HNRNPU: variants seen among roughly 807,000 people sequenced by gnomAD.
The protein encoded by HNRNPU is heterogeneous nuclear ribonucleoprotein U.
Under a neutral mutation model 94.7 loss-of-function variants are expected in HNRNPU, and 5 were observed. That is an observed-to-expected ratio of 0.05 (90% CI 0.03 to 0.11). HNRNPU has a LOEUF of 0.11. Ranked by LOEUF, HNRNPU falls within the 10% of genes least tolerant of loss-of-function variation. HNRNPU has a pLI of 1.00. For synonymous variants in HNRNPU, 434 were observed against 381.6 expected, an observed-to-expected ratio of 1.14 and a Z score of -1.60; for missense variants, 710 against 1,049.2, an observed-to-expected ratio of 0.68 and a Z score of 4.47.
chr1:244,858,683 G>C, intron 6 of HNRNPU, 46 bp downstream of exon 6: 2 of 990,440 alleles, frequency 2.0e-6, no homozygotes, highest in Non-Finnish European at 1.6e-6. Flanking sequence ...CCTAGATATA[G>C]CTACTAACTT....
chr1:244,852,183 C>T lies in HNRNPU; in HGVS notation c.*2267G>A, dbSNP rs1050242867. ...CTCCCTGTTGCTTATTTGGTACATTCCCTTCTCTGAATTCCTTAAACACTT... is the reference window on the plus strand; with the variant it reads ...CTCCCTGTTGCTTATTTGGTACATTTCCTTCTCTGAATTCCTTAAACACTT... On this transcript the variant is annotated 3_prime_UTR_variant, in exon 14 of 14. Coordinates refer to ENST00000640218, the MANE Select transcript of HNRNPU (RefSeq NM_031844.3). The T allele has an allele frequency of 6.6e-6, 1 of 152,178 alleles. No homozygotes were observed. The highest frequency in any genetic ancestry group is 1.9e-4 in the East Asian group (1 of 5,204). The allele number at this position is 152,178 out of a possible 1,614,324, so 9.4% of individuals were successfully genotyped here.
Position 244,853,042 on chromosome 1 carries a change from G to A in HNRNPU, c.*1408C>T, listed in dbSNP as rs1039920378. The A allele has an allele frequency of 1.3e-5, 2 of 152,570 alleles. No individual in the cohort carries two copies. Among genetic ancestry groups the A allele is most frequent in the African/African-American group, 4.8e-5 (2 of 41,428 alleles). The allele number at this position is 152,570 out of a possible 1,614,324, so 9.5% of individuals were successfully genotyped here. ...TGCATGATGGCTTCTAAAAGCATCTGATCCCAGAGTTTCATGTATCATATA... is the reference window on the plus strand; with the variant it reads ...TGCATGATGGCTTCTAAAAGCATCTAATCCCAGAGTTTCATGTATCATATA... On this transcript the variant is annotated 3_prime_UTR_variant, in exon 14 of 14. Transcript: ENST00000640218.
intron 5 of HNRNPU, 183 bp from the exon 6 acceptor site, chr1:244,859,024 G>A: frequency 1.7e-6 from 1 of 587,620 alleles, no homozygotes; most frequent in East Asian, 2.8e-5. Context: ...TATATACGCA[G>A]AGACCAAATT....
At chr1:244,858,617 T>C in intron 6 of HNRNPU, 112 bp downstream of exon 6, 2 of 673,320 alleles carry the variant, frequency 3.0e-6, no homozygotes, top group Admixed American at 2.9e-5. Flanking sequence ...ATCCAGGGAC[T>C]GGTGTATTTT....
chr1:244,862,584 TA>T (rs1558189545), intron 2 of HNRNPU, 34 bp downstream of exon 2: 3 of 1,607,782 alleles, frequency 1.9e-6, no homozygotes, highest in Non-Finnish European at 1.7e-6. Context: ...AACGAACGAA[TA>T]AGGGATGAGT....
rs777008090 is a variant in HNRNPU, at chr1:244,864,325, A to G, written c.-18T>C. The G allele has an allele frequency of 2.0e-5, 32 of 1,609,260 alleles. No homozygotes were observed. The highest frequency in any genetic ancestry group is 1.7e-5 in the Admixed American group (1 of 58,736). On this transcript the variant is annotated 5_prime_UTR_variant, in exon 1 of 14. Coordinates refer to ENST00000640218, the MANE Select transcript of HNRNPU (RefSeq NM_031844.3). ...GAACTCATGGTGAGGGCCCCGATTC[A>G]CCGCTAGGCGCTGCCTCAAACTCGG...
Position 244,855,425 on chromosome 1 carries a change from T to C in HNRNPU, c.2351A>G (p.Gln784Arg). 1 of 1,612,792 alleles carries C rather than the reference T, an allele frequency of 6.2e-7. No homozygotes were observed. Among genetic ancestry groups the C allele is most frequent in the East Asian group, 2.2e-5 (1 of 44,876 alleles). The change falls in exon 12 of 14, where the codon CAG becomes CGG. Residue 784 changes from glutamine (Q) to arginine (R), a missense_variant and splice_region_variant. Gln to Arg is a conservative substitution (Grantham distance 43). This residue lies in a region of HNRNPU where 152 missense variants were observed against 238.9 expected (regional missense o/e 0.64). Transcript: ENST00000640218. ...CTTCCAGGGATCTTGAATCATTACC[T>C]GGTTGTAGTTCCCTCTGTTGGGCAT... ...GGMPNRGNYN[Q>R]NFRGRGNNRG...
chr1:244,863,759 G>C lies in HNRNPU; in HGVS notation c.549C>G (p.Ala183=), dbSNP rs1448270437. The C allele has an allele frequency of 6.3e-7, 1 of 1,587,710 alleles. No homozygotes were observed. Among genetic ancestry groups the C allele is most frequent in the Non-Finnish European group, 8.5e-7 (1 of 1,170,258 alleles). The change falls in exon 1 of 14, where the codon GCC becomes GCG. Residue 183 remains alanine (A), a synonymous_variant. Coordinates refer to ENST00000640218, the MANE Select transcript of HNRNPU (RefSeq NM_031844.3). The part of the protein sequence containing the change: ...PQQQRGAAKE[A]AGKSSGPTSL... The stretch of plus-strand genomic sequence containing the variant: ...AGGTGGGGCCGCTGCTCTTCCCCGC[G>C]GCCTCCTTGGCGGCCCCGCGCTGCT...
At chr1:244,855,783 ATACTT>A (rs1025229034) in intron 11 of HNRNPU, 116 bp downstream of exon 11, 31 of 1,293,520 alleles carry the variant, frequency 2.4e-5, no homozygotes, top group Non-Finnish European at 3.2e-5. Context: ...AATCACATGA[ATACTT>A]TAGTTACTGT....
chr1:244,864,488 A>G lies in HNRNPU; in HGVS notation c.-181T>C, dbSNP rs1278694499. 2.8e-6 allele frequency: 3 copies of G among 1,061,494 alleles called. No individual in the cohort carries two copies. The highest frequency in any genetic ancestry group is 3.9e-6 in the Non-Finnish European group (3 of 765,652). 65.8% of individuals were successfully genotyped at this position (1,061,494 alleles called of 1,614,324 possible). On this transcript the variant is annotated 5_prime_UTR_variant, in exon 1 of 14. Transcript: ENST00000640218. The stretch of plus-strand genomic sequence containing the variant: ...CGAACGGCGCCAATTCCTTTCACCG[A>G]GTTCGCGAGGGAGACGCGGAGACTC...
At chr1:244,860,761 C>T (rs1015429672) in intron 3 of HNRNPU, 1 of 431,706 alleles carries the variant, frequency 2.3e-6, no homozygotes, top group Admixed American at 4.3e-5. Flanking sequence ...TAATACATAC[C>T]TGCTCTGCTC....
At chr1:244,860,971 A>C (rs1469619543) in intron 3 of HNRNPU, 2 of 156,278 alleles carry the variant, frequency 1.3e-5, no homozygotes, top group Non-Finnish European at 2.8e-5. Flanking sequence ...CTTGTGAAGA[A>C]GACAGCCTAA....
rs1048432074 is a variant in HNRNPU at position 244,850,933 on chromosome 1, G to A, written c.*3517C>T. The A allele has an allele frequency of 6.6e-6, 1 of 152,118 alleles. No individual in the cohort carries two copies. The highest frequency in any genetic ancestry group is 2.4e-5 in the African/African-American group (1 of 41,402). The allele number at this position is 152,118 out of a possible 1,614,324, so 9.4% of individuals were successfully genotyped here. On this transcript the variant is annotated 3_prime_UTR_variant, in exon 14 of 14. Transcript: ENST00000640218. ...GAACATCTCAAATGGGTATTCTGAA[G>A]CAGGTTGAGAAGTAGATAAAATTCT...
At chr1:244,856,887 A>G in intron 8 of HNRNPU, 31 bp from the exon 9 acceptor site, 1 of 1,561,196 alleles carries the variant, frequency 6.4e-7, no homozygotes, top group Non-Finnish European at 8.7e-7. Flanking sequence ...TTCCCCTTGA[A>G]CTTGTGAATT....
At chr1:244,855,797 G>A in intron 11 of HNRNPU, 107 bp downstream of exon 11, 2 of 1,353,828 alleles carry the variant, frequency 1.5e-6, no homozygotes, top group East Asian at 2.3e-5. Flanking sequence ...TTTAGTTACT[G>A]TGACAGTATA....
At position 244,857,700 on chromosome 1, in the gene HNRNPU, G is replaced by A. The variant is rs1469827363; in HGVS notation, c.1512C>T (p.Gly504=). The part of the protein sequence containing the change: ...KKDCEVVMMI[G]LPGAGKTTWV... Reference sequence around the variant, plus strand: ...AGGTAGTTTTTCCAGCTCCTGGCAAGCCAATCATCATCACAACCTAGTGAA... The same window carrying A: ...AGGTAGTTTTTCCAGCTCCTGGCAAACCAATCATCATCACAACCTAGTGAA... Residue 504 remains glycine (G), a synonymous_variant, in exon 8 of 14, where the codon GGC becomes GGT. Transcript: ENST00000640218. 1.2e-6 allele frequency: 2 copies of A among 1,613,812 alleles called. No homozygotes were observed. The highest frequency in any genetic ancestry group is 2.7e-5 in the African/African-American group (2 of 74,892).
Position 244,864,352 on chromosome 1 carries a change from T to C in HNRNPU, c.-45A>G, listed in dbSNP as rs1192439537. On this transcript the variant is annotated 5_prime_UTR_variant, in exon 1 of 14. Coordinates refer to ENST00000640218, the MANE Select transcript of HNRNPU (RefSeq NM_031844.3). ...CGCTAGGCGCTGCCTCAAACTCGGC[T>C]CCGCTCACTCGGCCACTGGTGGCGG... is the stretch of plus-strand genomic sequence containing the variant. 1.9e-6 allele frequency: 3 copies of C among 1,594,138 alleles called. No homozygotes were observed. The highest frequency in any genetic ancestry group is 2.6e-6 in the Non-Finnish European group (3 of 1,174,736).
intron 3 of HNRNPU, chr1:244,860,791 AAGCAGTAGAGGAT>A (rs2102988294): frequency 2.8e-6 from 1 of 358,152 alleles, no homozygotes; most frequent in Non-Finnish European, 5.0e-6. Context: ...ATTTAGAGGC[AAGCAGTAGAGGAT>A]AGCAGGAAAT....
chr1:244,859,619 TGTCA>T (rs1680774240), intron 4 of HNRNPU: 1 of 298,814 alleles, frequency 3.3e-6, no homozygotes. Context: ...AAGTTCATGT[TGTCA>T]GTCTTTAACT....
Sources: gnomAD v4.1 joint callset for allele counts on GRCh38, gnomAD v4.1.1 for gene constraint, gnomAD v4.1.1 regional missense constraint, MANE v1.5 for transcripts, NCBI Gene and HGNC (gene_info 2026-07-23, HGNC 2026-07-21) for gene names.